Variants in MCUR1 observed in about 807,000 individuals in gnomAD.
MCUR1 encodes the protein mitochondrial calcium uniporter regulator 1, also known as MCU regulator 1.
Under a neutral mutation model 42.0 loss-of-function variants are expected in MCUR1, and 37 were observed. The observed-to-expected ratio is 0.88, with a 90% CI of 0.68 to 1.16. The LOEUF (loss-of-function observed/expected upper bound fraction) is 1.16. Ranked by LOEUF, MCUR1 falls within the 50% of genes most tolerant of loss-of-function variation. The probability of loss-of-function intolerance (pLI) is 0.00; values close to 1 mark genes in which losing one functional copy is unlikely to be tolerated. For synonymous variants in MCUR1, 229 were observed against 196.2 expected (o/e 1.17, Z -1.40); for missense variants, 469 against 468.4 (o/e 1.00, Z -0.01).
chr6:13,787,737 A>C lies in MCUR1; in HGVS notation c.*3072T>G, dbSNP rs1584979973. On this transcript the variant is annotated 3_prime_UTR_variant, in exon 9 of 9. Transcript: ENST00000379170. ...AGGATCTCGCTATGGTTAGTTACCC[A>C]TGTGCTAGACATAGGTTGCTAGCTA... 1.3e-5 allele frequency: 2 copies of C among 152,310 alleles called. No homozygotes were observed. The highest frequency in any genetic ancestry group is 1.9e-4 in the East Asian group (1 of 5,188). 9.4% of individuals were successfully genotyped at this position (152,310 alleles called of 1,614,324 possible). A position where few individuals can be genotyped will look rare whatever the true frequency, so the allele number is the denominator to read the frequency against.
At chr6:13,809,729 A>G (rs1457099221) in intron 1 of MCUR1, among the ~76,000 whole-genome samples, 1 of 145,530 alleles carries the variant, frequency 6.9e-6, no homozygotes, top group Non-Finnish European at 1.5e-5. Flanking sequence ...CCTCCTCTCA[A>G]AAAAAAAAAA....
chr6:13,803,949 T>C (rs1760049610), intron 2 of MCUR1: 1 of 937,264 alleles, frequency 1.1e-6, no homozygotes, highest in South Asian at 4.9e-5. Flanking sequence ...ATGGGCAACA[T>C]AGTGATCCCA....
chr6:13,803,199 T>G (rs1760031027), intron 2 of MCUR1, among the ~76,000 whole-genome samples: 1 of 152,172 alleles, frequency 6.6e-6, no homozygotes, highest in Non-Finnish European at 1.5e-5. Flanking sequence ...GTAGCTGGAA[T>G]TACAGGCATG....
chr6:13,809,981 G>C (rs537679892), intron 1 of MCUR1, among the ~76,000 whole-genome samples: 1 of 152,162 alleles, frequency 6.6e-6, no homozygotes, highest in African/African-American at 2.4e-5. Context: ...GAGGCAGATG[G>C]ATCATGAGGT....
At chr6:13,807,080 T>G (rs969724909) in intron 1 of MCUR1, 36 bp from the exon 2 acceptor site, 1 of 1,562,540 alleles carries the variant, frequency 6.4e-7, no homozygotes. Flanking sequence ...AAAACAGACT[T>G]CATGCAAAAC....
intron 1 of MCUR1, among the ~76,000 whole-genome samples, chr6:13,811,465 A>G (rs1307571719): frequency 2.0e-5 from 3 of 152,118 alleles, no homozygotes; most frequent in Admixed American, 6.5e-5. Context: ...AAACGAGCTC[A>G]CTTAAATCTG....
chr6:13,799,484 G>C (rs1332404868), intron 5 of MCUR1, among the ~76,000 whole-genome samples: 1 of 152,054 alleles, frequency 6.6e-6, no homozygotes, highest in Non-Finnish European at 1.5e-5. Flanking sequence ...CGCCCGGCCT[G>C]TTGCTGCTTT....
At chr6:13,798,271 A>G (rs886220323) in intron 6 of MCUR1, among the ~76,000 whole-genome samples, 2 of 151,414 alleles carry the variant, frequency 1.3e-5, no homozygotes, top group Non-Finnish European at 2.9e-5. Flanking sequence ...TATTTTTTGT[A>G]TTTTTAGTAC....
At chr6:13,799,827 CTTTTTTTTTTTTT>C (rs542304036) in intron 5 of MCUR1, among the ~76,000 whole-genome samples, 4 of 96,212 alleles carry the variant, frequency 4.2e-5, no homozygotes, top group East Asian at 3.4e-4. Flanking sequence ...ACACAATTTT[CTTTTTTTTTTTTT>C]TTTTTTTTTT....
At chr6:13,791,133 G>A (rs566920035) in intron 8 of MCUR1, among the ~76,000 whole-genome samples, 21 of 152,134 alleles carry the variant, frequency 1.4e-4, no homozygotes, top group African/African-American at 4.6e-4. Flanking sequence ...TCAAACTCCC[G>A]GGCTCAAGTG....
rs1759614265 is a variant in MCUR1 at position 13,786,822 on chromosome 6, T to C, written c.*3987A>G. On this transcript the variant is annotated 3_prime_UTR_variant, in exon 9 of 9. Transcript: ENST00000379170. ...TTAAGTAACAAAAAAGTTAAGAAATTGGGTTATAAGCAAAGGAACATAAGT... is the reference window on the plus strand; with the variant it reads ...TTAAGTAACAAAAAAGTTAAGAAATCGGGTTATAAGCAAAGGAACATAAGT... 1 of 152,150 alleles carries C rather than the reference T, an allele frequency of 6.6e-6. No individual in the cohort carries two copies. Among genetic ancestry groups the C allele is most frequent in the South Asian group, 2.1e-4 (1 of 4,834 alleles). 9.4% of individuals were successfully genotyped at this position (152,150 alleles called of 1,614,324 possible). A position where few individuals can be genotyped will look rare whatever the true frequency, so the allele number is the denominator to read the frequency against.
At position 13,787,469 on chromosome 6, in the gene MCUR1, C is replaced by T. The variant is rs993762793; in HGVS notation, c.*3340G>A. ...AAAAGTCATGTTTCCAGTAAAGAAC[C>T]GTACACACAAGCAGGTTTTGCTTAT... On this transcript the variant is annotated 3_prime_UTR_variant, in exon 9 of 9. Transcript: ENST00000379170. 1.3e-5 allele frequency: 2 copies of T among 152,050 alleles called. No individual in the cohort carries two copies. The highest frequency in any genetic ancestry group is 1.9e-4 in the East Asian group (1 of 5,188). 9.4% of individuals were successfully genotyped at this position (152,050 alleles called of 1,614,324 possible). A position where few individuals can be genotyped will look rare whatever the true frequency, so the allele number is the denominator to read the frequency against.
chr6:13,791,842 T>A (rs1759735068), intron 8 of MCUR1, 36 bp downstream of exon 8: 1 of 1,425,312 alleles, frequency 7.0e-7, no homozygotes, highest in Admixed American at 1.9e-5. Flanking sequence ...TTTATTTTCT[T>A]TTCAGGTTGA....
At chr6:13,799,765 G>A (rs1281948248) in intron 5 of MCUR1, among the ~76,000 whole-genome samples, 6 of 150,832 alleles carry the variant, frequency 4.0e-5, no homozygotes, top group South Asian at 2.1e-4. Context: ...GGTTCCTTCC[G>A]TGCAGCACTT....
chr6:13,792,249 C>G (rs746464100), intron 7 of MCUR1, among the ~76,000 whole-genome samples: 1 of 152,176 alleles, frequency 6.6e-6, no homozygotes, highest in Non-Finnish European at 1.5e-5. Context: ...GTGGCCCTGC[C>G]TTTACCTGGA....
intron 1 of MCUR1, among the ~76,000 whole-genome samples, chr6:13,812,825 GTTGA>G (rs761721669): frequency 3.4e-4 from 52 of 152,308 alleles, no homozygotes; most frequent in Admixed American, 9.8e-4. Context: ...TGCCAAGTCT[GTTGA>G]TTATCAGAAA....
intron 2 of MCUR1, among the ~76,000 whole-genome samples, chr6:13,803,357 G>A (rs1760035848): frequency 6.6e-6 from 1 of 152,120 alleles, no homozygotes; most frequent in South Asian, 2.1e-4. Flanking sequence ...CACCACGCCT[G>A]GCCAGTACTT....
intron 1 of MCUR1, among the ~76,000 whole-genome samples, chr6:13,808,878 C>T (rs984758905): frequency 6.6e-6 from 1 of 152,160 alleles, no homozygotes; most frequent in African/African-American, 2.4e-5. Context: ...GCCAGTGCCA[C>T]ACTTTCTTGA....
chr6:13,807,611 G>C (rs1463490747), intron 1 of MCUR1, among the ~76,000 whole-genome samples: 1 of 152,138 alleles, frequency 6.6e-6, no homozygotes, highest in Non-Finnish European at 1.5e-5. Flanking sequence ...CGAATTACAT[G>C]GACGTTGTTT....
Sources: gnomAD v4.1 joint callset for allele counts (sites outside exome capture counted in the v4.1 genomes callset) on GRCh38, gnomAD v4.1.1 for gene constraint, MANE v1.5 for transcripts, NCBI Gene and HGNC (gene_info 2026-07-23, HGNC 2026-07-21) for gene names.